CDH18: variants seen among roughly 807,000 people sequenced by gnomAD.
CDH18 encodes cadherin-18.
A neutral mutation model predicts 67.9 loss-of-function variants in CDH18; 31 were observed. That is an observed-to-expected ratio of 0.46 (90% CI 0.34 to 0.62). The LOEUF is 0.62. Among genes scored for constraint, CDH18 ranks in the 20% least tolerant of loss-of-function variants. The pLI is 0.01. For missense variants in CDH18, 890 were observed against 975.5 expected (o/e 0.91, Z 1.17); for synonymous variants, 362 against 347.2 (o/e 1.04, Z -0.48).
At chr5:20,256,734 G>T (rs572841331) in intron 1 of CDH18, among the ~76,000 whole-genome samples, 1 of 152,094 alleles carries the variant, frequency 6.6e-6, no homozygotes, top group African/African-American at 2.4e-5. Flanking sequence ...ATAGATGACT[G>T]GTATCTAAGA....
At chr5:20,026,762 T>C (rs1381047225) in intron 2 of CDH18, among the ~76,000 whole-genome samples, 3 of 151,974 alleles carry the variant, frequency 2.0e-5, no homozygotes, top group African/African-American at 7.2e-5. Flanking sequence ...ATGGAGACCA[T>C]TCTAGCTAAC....
At chr5:20,573,087 C>T (rs1758900317) in intron 1 of CDH18, among the ~76,000 whole-genome samples, 1 of 151,778 alleles carries the variant, frequency 6.6e-6, no homozygotes, top group South Asian at 2.1e-4. Context: ...TGACCATTTC[C>T]TGTTAATAAT....
At chr5:19,563,033 T>C (rs988468817) in intron 8 of CDH18, among the ~76,000 whole-genome samples, 2 of 152,166 alleles carry the variant, frequency 1.3e-5, no homozygotes, top group Non-Finnish European at 2.9e-5. Context: ...AGCATCCCCT[T>C]TTCTAATGTG....
intron 3 of CDH18, among the ~76,000 whole-genome samples, chr5:19,824,044 A>T (rs1205575949): frequency 2.0e-5 from 3 of 152,188 alleles, no homozygotes; most frequent in African/African-American, 7.2e-5. Context: ...AATACAAAAA[A>T]AAATAAAAAA....
In CDH18 at chr5:19,471,926, A is replaced by G. The variant is rs1025823106; in HGVS notation, c.*1300T>C. ...CTTTGCAGTTGGCAAAGCATTTTAC[A>G]GATGCTCATTTAATCCTCACAACAA... On this transcript the variant is annotated 3_prime_UTR_variant, in exon 13 of 13. Coordinates refer to ENST00000382275, the MANE Select transcript of CDH18 (RefSeq NM_004934.5). Among the ~76,000 whole-genome samples the G allele has an allele frequency of 5.3e-5, 8 of 152,182 alleles. No individual in the cohort carries two copies. The highest frequency in any genetic ancestry group is 8.8e-5 in the Non-Finnish European group (6 of 68,030).
Position 19,747,242 on chromosome 5 carries a change from A to G in CDH18, c.229-6T>C, listed in dbSNP as rs774894554. On this transcript the variant is annotated splice_region_variant and splice_polypyrimidine_tract_variant and intron_variant, in intron 3 of 12. Coordinates refer to ENST00000382275, the MANE Select transcript of CDH18 (RefSeq NM_004934.5). The stretch of plus-strand genomic sequence containing the variant: ...TTGTCAGAATTGGAGTGCAGCTGTG[A>G]AATACACATGGAATAATTTAGCATA... 1.2e-6 allele frequency: 2 copies of G among 1,607,738 alleles called. No individual in the cohort carries two copies. The highest frequency in any genetic ancestry group is 2.2e-5 in the South Asian group (2 of 90,794).
At chr5:20,177,104 C>T (rs1737293878) in intron 2 of CDH18, among the ~76,000 whole-genome samples, 1 of 151,978 alleles carries the variant, frequency 6.6e-6, no homozygotes, top group Admixed American at 6.6e-5. Context: ...TTTAAAGATG[C>T]AGATGATGAA....
Position 20,470,610 on chromosome 5 carries a change from A to C in CDH18, c.-580+104852T>G, listed in dbSNP as rs73060701. ...ATCCATGCCTGCATACATCACCTTCACTTCTGTTAGTATATTAAAGGTGAA... is the reference window on the plus strand; with the variant it reads ...ATCCATGCCTGCATACATCACCTTCCCTTCTGTTAGTATATTAAAGGTGAA... On this transcript the variant is annotated intron_variant, in intron 1 of 14. Transcript: ENST00000507958. Among the ~76,000 whole-genome samples, 1,173 of 151,948 alleles carry C rather than the reference A, an allele frequency of 7.7e-3. 12 individuals carry two copies. Among genetic ancestry groups the C allele is most frequent in the African/African-American group, 0.027 (1,125 of 41,452 alleles).
intron 5 of CDH18, among the ~76,000 whole-genome samples, chr5:19,671,221 T>C (rs532203285): frequency 6.6e-6 from 1 of 152,216 alleles, no homozygotes; most frequent in East Asian, 1.9e-4. Context: ...CTGATGAGAA[T>C]TTATGTGCTC....
At chr5:20,312,026 G>T (rs1047758657) in intron 1 of CDH18, among the ~76,000 whole-genome samples, 1 of 151,968 alleles carries the variant, frequency 6.6e-6, no homozygotes, top group African/African-American at 2.4e-5. Flanking sequence ...TTGCATGGTG[G>T]GTACAATTAG....
chr5:19,837,912 C>G (rs1402938042), intron 3 of CDH18, among the ~76,000 whole-genome samples: 1 of 152,122 alleles, frequency 6.6e-6, no homozygotes, highest in African/African-American at 2.4e-5. Flanking sequence ...CTTCCAAAAA[C>G]CAGTAATTAA....
chr5:20,549,235 TTA>T (rs1225843011), intron 1 of CDH18, among the ~76,000 whole-genome samples: 7 of 152,270 alleles, frequency 4.6e-5, no homozygotes, highest in African/African-American at 1.7e-4. Flanking sequence ...TCATAAACTT[TTA>T]TATGTGGTTT....
chr5:19,947,951 C>A (rs1795434022), intron 2 of CDH18, among the ~76,000 whole-genome samples: 1 of 151,994 alleles, frequency 6.6e-6, no homozygotes. Context: ...ACAAATACAT[C>A]CAATTAGAAA....
At chr5:19,723,105 C>A (rs1280312582) in intron 4 of CDH18, among the ~76,000 whole-genome samples, 1 of 151,724 alleles carries the variant, frequency 6.6e-6, no homozygotes, top group Non-Finnish European at 1.5e-5. Flanking sequence ...CCTGTCTCTA[C>A]TAAAAATACA....
chr5:20,531,167 T>G (rs1348857458), intron 1 of CDH18, among the ~76,000 whole-genome samples: 2 of 152,058 alleles, frequency 1.3e-5, no homozygotes, highest in African/African-American at 4.8e-5. Context: ...ATTAGAGAAT[T>G]GCAAATTAAA....
intron 2 of CDH18, among the ~76,000 whole-genome samples, chr5:20,107,996 G>C (rs1466934200): frequency 7.0e-6 from 1 of 142,470 alleles, no homozygotes; most frequent in Non-Finnish European, 1.5e-5. Flanking sequence ...GCTTAAATAA[G>C]GATACTAGTC....
chr5:19,835,445 C>A (rs533436159), intron 3 of CDH18, among the ~76,000 whole-genome samples: 55 of 151,768 alleles, frequency 3.6e-4, no homozygotes, highest in African/African-American at 1.3e-3. Flanking sequence ...ACGTTTTGCA[C>A]ATGTATCCCT....
intron 2 of CDH18, among the ~76,000 whole-genome samples, chr5:20,241,206 A>G (rs572208378): frequency 3.4e-4 from 52 of 152,166 alleles, no homozygotes; most frequent in Non-Finnish European, 6.3e-4. Flanking sequence ...TAAAAGTGTC[A>G]AAACAACTTT....
intron 1 of CDH18, among the ~76,000 whole-genome samples, chr5:20,460,121 G>A (rs931535139): frequency 3.9e-5 from 6 of 152,138 alleles, no homozygotes; most frequent in East Asian, 3.9e-4. Context: ...CAGGCCGGGC[G>A]CAGTGGCTCA....
Sources: allele counts gnomAD v4.1 joint callset (sites outside exome capture counted in the v4.1 genomes callset), GRCh38; gene constraint gnomAD v4.1.1; transcripts MANE v1.5; gene names NCBI Gene and HGNC (gene_info 2026-07-23, HGNC 2026-07-21).